The following RUNX1T1 variants were observed in gnomAD, a reference collection of about 807,000 sequenced individuals.
The protein encoded by RUNX1T1 is protein CBFA2T1.
A neutral mutation model predicts 62.8 loss-of-function variants in RUNX1T1; 4 were observed. The ratio of observed to expected loss-of-function variants is 0.06; its 90% CI spans 0.03 to 0.15. RUNX1T1 has a LOEUF of 0.15. RUNX1T1 is among the 10% of genes least tolerant of loss of function. The probability of loss-of-function intolerance (pLI) is 1.00; values close to 1 mark genes in which losing one functional copy is unlikely to be tolerated. For missense variants in RUNX1T1, 508 were observed against 754.3 expected (o/e 0.67, Z 3.82); for synonymous variants, 291 against 286.0 (o/e 1.02, Z -0.18).
At chr8:92,051,523 T>C (rs1460739676) in intron 1 of RUNX1T1, among the ~76,000 whole-genome samples, 1 of 151,866 alleles carries the variant, frequency 6.6e-6, no homozygotes, top group Non-Finnish European at 1.5e-5. Context: ...ATGGAGAGAA[T>C]ACATACACAT....
intron 2 of RUNX1T1, chr8:92,071,429 T>C (rs1833651431): frequency 6.6e-6 from 1 of 151,902 alleles, no homozygotes; most frequent in Admixed American, 6.6e-5. Flanking sequence ...CTGGTTAACG[T>C]CTGTTGCTGC....
At chr8:92,012,191 G>A (rs1308405694) in intron 3 of RUNX1T1, among the ~76,000 whole-genome samples, 1 of 152,148 alleles carries the variant, frequency 6.6e-6, no homozygotes, top group Non-Finnish European at 1.5e-5. Context: ...AACAATAAAT[G>A]TCAAGGAGCC....
intron 1 of RUNX1T1, among the ~76,000 whole-genome samples, chr8:92,053,251 A>G (rs779091560): frequency 2.6e-5 from 4 of 152,190 alleles, no homozygotes; most frequent in Non-Finnish European, 5.9e-5. Flanking sequence ...GATTATTGAT[A>G]TAAGAAACTA....
rs868738728 is a variant in RUNX1T1 at position 91,971,894 on chromosome 8, C to T, written c.1268-1046G>A. Among the ~76,000 whole-genome samples, 3 of 152,234 alleles carry T rather than the reference C, an allele frequency of 2.0e-5. No homozygotes were observed. The South Asian group carries it at 6.2e-4, about 32-fold the overall frequency. On this transcript the variant is annotated intron_variant, in intron 9 of 10. Coordinates refer to ENST00000396218, the Ensembl canonical transcript of RUNX1T1. ...AGTAATTTCCATTTTAAAAAATTAACTGTTCTAATTAACAGGGGAAAATAT... is the reference window on the plus strand; with the variant it reads ...AGTAATTTCCATTTTAAAAAATTAATTGTTCTAATTAACAGGGGAAAATAT...
rs1484663540 is a variant in RUNX1T1, at chr8:92,074,971, A to C, written c.88+994T>G. On this transcript the variant is annotated intron_variant, in intron 2 of 11. Transcript: ENST00000265814. ...TTCTCTGGTCTTTCAAGAAAAAAAA[A>C]CAACAACTTTATTTTCCAACACCTT... Among the ~76,000 whole-genome samples, 4 of 152,214 alleles carry C rather than the reference A, an allele frequency of 2.6e-5. 1 individual carries two copies. Among genetic ancestry groups the C allele is most frequent in the Admixed American group, 2.0e-4 (3 of 15,284 alleles).
At chr8:91,991,118 A>C (rs992854611) in intron 6 of RUNX1T1, among the ~76,000 whole-genome samples, 5 of 152,208 alleles carry the variant, frequency 3.3e-5, no homozygotes, top group Admixed American at 3.3e-4. Context: ...AAAAAAAAGT[A>C]CCAAATCATT....
At chr8:92,023,605 T>C (rs1013694896) in intron 1 of RUNX1T1, among the ~76,000 whole-genome samples, 6 of 152,220 alleles carry the variant, frequency 3.9e-5, no homozygotes, top group African/African-American at 1.4e-4. Context: ...TCTCCCTCTT[T>C]AGTTGTCACC....
At chr8:92,062,042 T>G (rs1460536477) in intron 1 of RUNX1T1, among the ~76,000 whole-genome samples, 2 of 152,226 alleles carry the variant, frequency 1.3e-5, no homozygotes, top group Non-Finnish European at 2.9e-5. Flanking sequence ...TGATGACATC[T>G]AAGGGCTGTG....
exon 10 of RUNX1T1, chr8:91,970,713 C>T (rs900545909): frequency 2.5e-6 from 4 of 1,613,560 alleles, no homozygotes; most frequent in Admixed American, 1.7e-5. Context: ...CGCCGCCTGC[C>T]GTTTGGCCTC....
chr8:92,058,933 A>G (rs1167839520), intron 1 of RUNX1T1, among the ~76,000 whole-genome samples: 1 of 152,146 alleles, frequency 6.6e-6, no homozygotes, highest in African/African-American at 2.4e-5. Flanking sequence ...AGATTAAACA[A>G]TTATCATTTT....
chr8:92,082,669 T>C (rs1015977337), intron 1 of RUNX1T1, among the ~76,000 whole-genome samples: 9 of 152,328 alleles, frequency 5.9e-5, no homozygotes, highest in African/African-American at 2.2e-4. Flanking sequence ...TTCCGCATTG[T>C]GAGCCACGGC....
chr8:91,985,258 T>C (rs1816310358), intron 8 of RUNX1T1, among the ~76,000 whole-genome samples: 1 of 152,176 alleles, frequency 6.6e-6, no homozygotes, highest in Non-Finnish European at 1.5e-5. Context: ...TCACACGTAA[T>C]GGGTGGCAAT....
At chr8:91,971,789 CAAAT>C (rs1211370809) in intron 9 of RUNX1T1, among the ~76,000 whole-genome samples, 1 of 152,110 alleles carries the variant, frequency 6.6e-6, no homozygotes, top group Non-Finnish European at 1.5e-5. Flanking sequence ...TGCAAGGTGT[CAAAT>C]AAGCTCTTTA....
intron 1 of RUNX1T1, among the ~76,000 whole-genome samples, chr8:92,028,599 C>A (rs1342516022): frequency 6.6e-6 from 1 of 152,120 alleles, no homozygotes; most frequent in Non-Finnish European, 1.5e-5. Flanking sequence ...CTGACTTACA[C>A]CCTGGTGTTC....
intron 4 of RUNX1T1, among the ~76,000 whole-genome samples, chr8:92,007,203 C>T (rs1021519967): frequency 2.6e-5 from 4 of 152,144 alleles, no homozygotes; most frequent in Middle Eastern, 3.2e-3. Flanking sequence ...GGCTTGCTCA[C>T]GCCTGTAATC....
At chr8:92,046,809 A>C (rs185596790) in intron 1 of RUNX1T1, among the ~76,000 whole-genome samples, 10 of 152,340 alleles carry the variant, frequency 6.6e-5, no homozygotes, top group African/African-American at 2.2e-4. Context: ...CTTGACTAGC[A>C]CTACATAGAA....
rs533473712 is a variant in RUNX1T1 at position 92,014,061 on chromosome 8, T to A, written c.387+518A>T. 2.0e-5 allele frequency among the ~76,000 whole-genome samples: 3 copies of A among 152,274 alleles called. No individual in the cohort carries two copies. In the South Asian group the frequency reaches 6.2e-4, roughly 32 times the overall value. On this transcript the variant is annotated intron_variant, in intron 3 of 10. Transcript: ENST00000396218. Reference sequence around the variant, plus strand: ...ATTTTACCACAATAAAAAATTTCAATGTTATTCATCTTAAAAATGACACTA... The same window carrying A: ...ATTTTACCACAATAAAAAATTTCAAAGTTATTCATCTTAAAAATGACACTA...
intron 5 of RUNX1T1, chr8:91,994,502 G>T (rs1287991495): frequency 9.0e-6 from 4 of 445,984 alleles, no homozygotes; most frequent in Non-Finnish European, 1.8e-5. Context: ...TGGCATTGTG[G>T]TGTAGTGGAA....
At chr8:91,970,020 G>GTT (rs1812451084) in intron 10 of RUNX1T1, among the ~76,000 whole-genome samples, 6 of 55,880 alleles carry the variant, frequency 1.1e-4, no homozygotes, top group Admixed American at 2.0e-4. Flanking sequence ...TAGGCTAGCT[G>GTT]TGTGTGTGTG....
Sources: gnomAD v4.1 joint callset for allele counts (sites outside exome capture counted in the v4.1 genomes callset) on GRCh38, gnomAD v4.1.1 for gene constraint, MANE v1.5 for transcripts, NCBI Gene and HGNC (gene_info 2026-07-23, HGNC 2026-07-21) for gene names.